Variants in PXDNL observed in about 807,000 individuals in gnomAD.
PXDNL encodes peroxidasin like.
In PXDNL, 145 loss-of-function variants were observed where a neutral mutation model predicts 150.8. That is an observed-to-expected ratio of 0.96 (90% CI 0.84 to 1.10). The LOEUF is 1.10. Ranked by LOEUF, PXDNL falls within the 50% of genes least tolerant of loss-of-function variation. The pLI is 0.00. For missense variants in PXDNL, 2,087 were observed against 1,873.9 expected, an observed-to-expected ratio of 1.11 and a Z score of -2.10; for synonymous variants, 757 against 725.7, an observed-to-expected ratio of 1.04 and a Z score of -0.69.
At chr8:51,570,887 T>C (rs963077242) in intron 3 of PXDNL, among the ~76,000 whole-genome samples, 7 of 151,850 alleles carry the variant, frequency 4.6e-5, no homozygotes, top group African/African-American at 1.7e-4. Flanking sequence ...AGATGATATA[T>C]ATGCAATAGT....
intron 2 of PXDNL, among the ~76,000 whole-genome samples, chr8:51,625,987 A>G (rs939602190): frequency 6.6e-6 from 1 of 152,218 alleles, no homozygotes; most frequent in African/African-American, 2.4e-5. Context: ...CATACCAGAA[A>G]TAAGTTCTTT....
At position 51,556,847 on chromosome 8, in the gene PXDNL, C is replaced by G. The variant is rs777981874; in HGVS notation, c.373G>C (p.Glu125Gln). 1.9e-6 allele frequency: 3 copies of G among 1,566,542 alleles called. No individual in the cohort carries two copies. The highest frequency in any genetic ancestry group is 2.6e-6 in the Non-Finnish European group (3 of 1,138,130). The change falls in exon 4 of 23, where the codon GAA becomes CAA. Residue 125 changes from glutamate (E) to glutamine (Q), a missense_variant. Physicochemically the swap from Glu to Gln is conservative, Grantham distance 29. Transcript: ENST00000356297. The stretch of plus-strand genomic sequence containing the variant: ...AAAGTTTCTATTACTTACAGATGTT[C>G]CAAAGATATGAGTCCTTTAAATGTT... ...KQTFKGLISL[E>Q]HLYIHFNQLE...
In PXDNL at chr8:51,439,602, A is replaced by C. The variant is rs149985211; in HGVS notation, c.1525+7402T>G. On this transcript the variant is annotated intron_variant, in intron 12 of 22. Transcript: ENST00000356297. Reference sequence around the variant, plus strand: ...CACTTTGGGAGGCTGAGGTAGGTGGATCACTTGAGGCCAAGAGTTCAAGAC... The same window carrying C: ...CACTTTGGGAGGCTGAGGTAGGTGGCTCACTTGAGGCCAAGAGTTCAAGAC... Among the ~76,000 whole-genome samples the C allele has an allele frequency of 2.3e-3, 354 of 152,230 alleles. 2 individuals are homozygous for C. Among genetic ancestry groups the C allele is most frequent in the African/African-American group, 8.3e-3 (344 of 41,540 alleles).
intron 12 of PXDNL, among the ~76,000 whole-genome samples, chr8:51,443,662 AC>A (rs1809606216): frequency 6.6e-6 from 1 of 152,218 alleles, no homozygotes; most frequent in African/African-American, 2.4e-5. Flanking sequence ...TATATTTTCT[AC>A]AAAAAAGTAG....
At chr8:51,453,880 C>T (rs1207061336) in intron 9 of PXDNL, 95 bp from the exon 10 acceptor site, 1 of 1,353,832 alleles carries the variant, frequency 7.4e-7, no homozygotes, top group East Asian at 2.3e-5. Context: ...TTGTCATTTT[C>T]AAAATTCCTT....
chr8:51,494,937 A>G (rs1267773182), intron 5 of PXDNL, among the ~76,000 whole-genome samples: 1 of 152,118 alleles, frequency 6.6e-6, no homozygotes, highest in African/African-American at 2.4e-5. Flanking sequence ...GACCTAATAG[A>G]CATCTACAGA....
chr8:51,475,201 C>A (rs1360915751), intron 6 of PXDNL, 60 bp from the exon 7 acceptor site: 3 of 1,481,710 alleles, frequency 2.0e-6, no homozygotes, highest in Non-Finnish European at 2.8e-6. Flanking sequence ...TATGATGAAT[C>A]TTTTGAGTGG....
intron 12 of PXDNL, among the ~76,000 whole-genome samples, chr8:51,443,379 G>A (rs945040422): frequency 6.6e-6 from 1 of 151,990 alleles, no homozygotes; most frequent in Non-Finnish European, 1.5e-5. Context: ...TGAAAACAAA[G>A]AGCTAAAAGG....
chr8:51,495,773 G>C (rs187565045), intron 5 of PXDNL, among the ~76,000 whole-genome samples: 2 of 151,988 alleles, frequency 1.3e-5, no homozygotes, highest in African/African-American at 4.8e-5. Context: ...GGCTCTGAAA[G>C]TGAGGCAATA....
At chr8:51,355,671 A>G (rs1401170942) in intron 19 of PXDNL, among the ~76,000 whole-genome samples, 1 of 152,224 alleles carries the variant, frequency 6.6e-6, no homozygotes, top group Non-Finnish European at 1.5e-5. Flanking sequence ...TTTTATCAGT[A>G]GAGTTTTGAC....
At chr8:51,428,167 C>A (rs1425978955) in intron 12 of PXDNL, among the ~76,000 whole-genome samples, 2 of 152,044 alleles carry the variant, frequency 1.3e-5, no homozygotes, top group African/African-American at 4.8e-5. Context: ...AACAAAACAT[C>A]TACAGTACTT....
At chr8:51,392,119 C>A (rs1807929532) in intron 17 of PXDNL, among the ~76,000 whole-genome samples, 1 of 152,120 alleles carries the variant, frequency 6.6e-6, no homozygotes. Flanking sequence ...GGTACCAGTA[C>A]CATGCTGTTT....
At chr8:51,445,603 G>C (rs1243538886) in intron 12 of PXDNL, among the ~76,000 whole-genome samples, 1 of 152,198 alleles carries the variant, frequency 6.6e-6, no homozygotes, top group Non-Finnish European at 1.5e-5. Flanking sequence ...GTGGCTTCTA[G>C]ATTGAGATCT....
At chr8:51,789,234 C>T (rs772860676) in intron 1 of PXDNL, among the ~76,000 whole-genome samples, 10 of 150,536 alleles carry the variant, frequency 6.6e-5, no homozygotes, top group East Asian at 3.9e-4. Flanking sequence ...GTTACTCATA[C>T]GGTGAGTTCA....
intron 8 of PXDNL, among the ~76,000 whole-genome samples, chr8:51,459,774 T>A (rs1432143352): frequency 1.3e-5 from 2 of 152,246 alleles, no homozygotes; most frequent in East Asian, 3.8e-4. Flanking sequence ...TATATCTGAA[T>A]ATATTCTATT....
At chr8:51,699,255 C>G (rs1816202871) in intron 1 of PXDNL, among the ~76,000 whole-genome samples, 1 of 152,176 alleles carries the variant, frequency 6.6e-6, no homozygotes, top group African/African-American at 2.4e-5. Flanking sequence ...CCACCTTCAT[C>G]AATTATCTTA....
Position 51,517,439 on chromosome 8 carries a change from A to G in PXDNL, c.381-17669T>C, listed in dbSNP as rs979110992. Among the ~76,000 whole-genome samples, 4 of 152,180 alleles carry G rather than the reference A, an allele frequency of 2.6e-5. No homozygotes were observed. In the South Asian group the frequency reaches 8.3e-4, roughly 32 times the overall value. On this transcript the variant is annotated intron_variant, in intron 4 of 22. Coordinates refer to ENST00000356297, the MANE Select transcript of PXDNL (RefSeq NM_144651.5). Reference sequence around the variant, plus strand: ...TAAAACCAATAATAATGGTATATATAATAATGCTCAGGGTGCTAAAATAGT... The same window carrying G: ...TAAAACCAATAATAATGGTATATATGATAATGCTCAGGGTGCTAAAATAGT...
intron 4 of PXDNL, among the ~76,000 whole-genome samples, chr8:51,553,499 T>C (rs1017359682): frequency 3.9e-5 from 6 of 152,174 alleles, no homozygotes; most frequent in African/African-American, 1.4e-4. Context: ...TGTAAGTAAG[T>C]GTATAAAATA....
At chr8:51,424,450 T>C (rs1008121289) in intron 13 of PXDNL, among the ~76,000 whole-genome samples, 1 of 152,170 alleles carries the variant, frequency 6.6e-6, no homozygotes, top group Admixed American at 6.5e-5. Context: ...TTTTTATTAA[T>C]GTATTTCTAA....
Sources: allele counts gnomAD v4.1 joint callset (sites outside exome capture counted in the v4.1 genomes callset), GRCh38; gene constraint gnomAD v4.1.1; transcripts MANE v1.5; gene names NCBI Gene and HGNC (gene_info 2026-07-23, HGNC 2026-07-21).